The following UNC13C variants were observed in gnomAD, a reference collection of about 807,000 sequenced individuals.
UNC13C encodes the protein unc-13 homolog C, also known as protein unc-13 homolog C.
In UNC13C, 174 loss-of-function variants were observed where a neutral mutation model predicts 245.4. The ratio of observed to expected loss-of-function variants is 0.71; its 90% CI spans 0.63 to 0.80. The LOEUF (loss-of-function observed/expected upper bound fraction) is 0.80. Ranked by LOEUF, UNC13C falls within the 30% of genes least tolerant of loss-of-function variation. The pLI is 0.00. For synonymous variants in UNC13C, 992 were observed against 895.1 expected (o/e 1.11, Z -1.93); for missense variants, 2,829 against 2,602.9 (o/e 1.09, Z -1.89).
chr15:54,052,065 T>A (rs1026886898), intron 2 of UNC13C, among the ~76,000 whole-genome samples: 1 of 116,288 alleles, frequency 8.6e-6, no homozygotes, highest in Non-Finnish European at 1.8e-5. Context: ...TCCAATTTCA[T>A]CCATGTCCCT....
intron 19 of UNC13C, among the ~76,000 whole-genome samples, chr15:54,443,876 C>T (rs6493683): frequency 0.42 from 64,419 of 151,708 alleles, 14,002 homozygotes; most frequent in East Asian, 0.71. Context: ...ATGTATATTC[C>T]GTAGCTGTTG....
chr15:53,881,462 T>C, the UNC13C span, among the ~76,000 whole-genome samples: 3 of 152,240 alleles, frequency 2.0e-5, no homozygotes, highest in African/African-American at 7.2e-5. Flanking sequence ...GAAGTTCTGC[T>C]TAAGCACACC....
chr15:54,458,148 A>G (rs904575310), intron 19 of UNC13C, among the ~76,000 whole-genome samples: 1 of 152,048 alleles, frequency 6.6e-6, no homozygotes. Flanking sequence ...GTTGATCCAA[A>G]TATCATTCGG....
the UNC13C span, among the ~76,000 whole-genome samples, chr15:53,861,289 G>A: frequency 1.3e-5 from 2 of 152,046 alleles, no homozygotes; most frequent in African/African-American, 4.8e-5. Flanking sequence ...GGTAAGAATC[G>A]AATCAAGTAT....
chr15:54,150,737 C>A (rs978555799), intron 4 of UNC13C, among the ~76,000 whole-genome samples: 2 of 152,158 alleles, frequency 1.3e-5, no homozygotes, highest in Non-Finnish European at 2.9e-5. Context: ...GTGACTACTT[C>A]AATGTGTGGA....
intron 27 of UNC13C, among the ~76,000 whole-genome samples, chr15:54,548,852 A>G (rs115114797): frequency 0.011 from 1,635 of 152,274 alleles, 33 homozygotes; most frequent in African/African-American, 0.034. Flanking sequence ...AGCTCCTACT[A>G]TGTACTAGGC....
At chr15:54,515,602 A>G (rs78692463) in intron 24 of UNC13C, among the ~76,000 whole-genome samples, 1,985 of 152,234 alleles carry the variant, frequency 0.013, 47 homozygotes, top group African/African-American at 0.046. Flanking sequence ...ACTCTAAAGA[A>G]CTTGTGTTAT....
chr15:54,167,394 C>T (rs1050656729), intron 4 of UNC13C, among the ~76,000 whole-genome samples: 6 of 148,226 alleles, frequency 4.0e-5, no homozygotes, highest in African/African-American at 1.5e-4. Context: ...CCCAGCTACT[C>T]GGGAGGCTGA....
the UNC13C span, among the ~76,000 whole-genome samples, chr15:53,902,609 A>T: frequency 0.073 from 11,171 of 152,252 alleles, 509 homozygotes; most frequent in South Asian, 0.19. Context: ...TAACTTATTT[A>T]ATTAACTCAT....
intron 25 of UNC13C, among the ~76,000 whole-genome samples, chr15:54,528,793 G>A (rs138555685): frequency 4.5e-4 from 69 of 152,220 alleles, no homozygotes; most frequent in African/African-American, 1.5e-3. Flanking sequence ...GGATGACCCC[G>A]TGGTAAATCA....
intron 22 of UNC13C, among the ~76,000 whole-genome samples, chr15:54,503,232 G>T (rs1894308926): frequency 6.6e-6 from 1 of 151,918 alleles, no homozygotes. Context: ...AGCATTTTCT[G>T]GAAAAGAAGA....
chr15:54,313,603 G>A (rs371215371), intron 13 of UNC13C, among the ~76,000 whole-genome samples: 2 of 151,766 alleles, frequency 1.3e-5, no homozygotes, highest in African/African-American at 4.8e-5. Flanking sequence ...AAATAAAACT[G>A]CATAACCTTT....
At chr15:54,485,814 A>G (rs1893375997) in intron 19 of UNC13C, among the ~76,000 whole-genome samples, 1 of 152,036 alleles carries the variant, frequency 6.6e-6, no homozygotes, top group Admixed American at 6.5e-5. Context: ...CACTGTCTGT[A>G]TTCTCCACCA....
At chr15:53,884,111 G>A in the UNC13C span, among the ~76,000 whole-genome samples, 9 of 426 alleles carry the variant, frequency 0.021, no homozygotes, top group Non-Finnish European at 0.028. Flanking sequence ...TGTTACGATG[G>A]TTAACAAAAG....
At chr15:54,034,552 A>G (rs1345621884) in intron 2 of UNC13C, among the ~76,000 whole-genome samples, 1 of 152,216 alleles carries the variant, frequency 6.6e-6, no homozygotes, top group Admixed American at 6.5e-5. Flanking sequence ...GAGTTTCCTT[A>G]AAAAGTCACT....
chr15:54,144,620 A>T (rs1595907270), intron 4 of UNC13C, among the ~76,000 whole-genome samples: 1 of 152,206 alleles, frequency 6.6e-6, no homozygotes, highest in East Asian at 1.9e-4. Flanking sequence ...CTCAATTTAC[A>T]TGCCACATTG....
At chr15:54,206,907 T>A (rs761431889) in intron 4 of UNC13C, among the ~76,000 whole-genome samples, 1 of 152,080 alleles carries the variant, frequency 6.6e-6, no homozygotes, top group Non-Finnish European at 1.5e-5. Flanking sequence ...TAACTTTGGC[T>A]TGTGTTTAGA....
At chr15:54,439,378 T>A (rs991705460) in intron 19 of UNC13C, among the ~76,000 whole-genome samples, 18 of 152,072 alleles carry the variant, frequency 1.2e-4, no homozygotes, top group African/African-American at 3.9e-4. Context: ...TACAGTAAAA[T>A]ATATAAAATA....
intron 25 of UNC13C, among the ~76,000 whole-genome samples, chr15:54,526,381 A>C (rs62022410): frequency 0.1 from 15,155 of 152,180 alleles, 973 homozygotes; most frequent in African/African-American, 0.17. Context: ...AATATTAGTT[A>C]AATAACTGAT....
Sources: allele counts gnomAD v4.1 joint callset (sites outside exome capture counted in the v4.1 genomes callset), GRCh38; gene constraint gnomAD v4.1.1; transcripts MANE v1.5; gene names NCBI Gene and HGNC (gene_info 2026-07-23, HGNC 2026-07-21).